Variants in RBFOX1 observed in about 807,000 individuals in gnomAD.
RBFOX1 encodes RNA binding fox-1 homolog 1, also known as RNA binding protein fox-1 homolog 1.
RBFOX1 carries 8 observed loss-of-function variants against 57.7 expected under a neutral mutation model. The observed-to-expected ratio is 0.14, with a 90% CI of 0.08 to 0.25. The LOEUF is 0.25. RBFOX1 is among the 10% of genes least tolerant of loss of function. RBFOX1 has a pLI of 1.00. For missense variants in RBFOX1, 611 were observed against 548.5 expected (o/e 1.11, Z -1.14); for synonymous variants, 326 against 222.4 (o/e 1.47, Z -4.15).
At chr16:6,574,707 C>T (rs1414392678) in intron 2 of RBFOX1, among the ~76,000 whole-genome samples, 4 of 108 alleles carry the variant, frequency 0.037, no homozygotes, top group East Asian at 0.17. Flanking sequence ...GGATTACAGG[C>T]GTGACTACCG....
At chr16:6,646,800 C>G (rs1015614943) in intron 2 of RBFOX1, among the ~76,000 whole-genome samples, 1 of 152,008 alleles carries the variant, frequency 6.6e-6, no homozygotes, top group African/African-American at 2.4e-5. Context: ...CAGACAAATT[C>G]AAGGAGAGTT....
At chr16:6,758,112 C>T (rs1568484238) in intron 3 of RBFOX1, among the ~76,000 whole-genome samples, 2 of 152,026 alleles carry the variant, frequency 1.3e-5, no homozygotes, top group Non-Finnish European at 2.9e-5. Flanking sequence ...TGGTCCAAGT[C>T]AGTAAATGGG....
At chr16:5,656,811 TG>T (rs1197461963) in intron 3 of RBFOX1, among the ~76,000 whole-genome samples, 1 of 152,164 alleles carries the variant, frequency 6.6e-6, no homozygotes, top group Non-Finnish European at 1.5e-5. Context: ...GATGGGCGTT[TG>T]GGTTGGAATA....
intron 4 of RBFOX1, among the ~76,000 whole-genome samples, chr16:5,961,084 A>G (rs1343995397): frequency 1.3e-5 from 2 of 152,216 alleles, no homozygotes; most frequent in African/African-American, 2.4e-5. Flanking sequence ...TGTGTTTTCC[A>G]GGAAGCTTTT....
chr16:6,105,542 G>A (rs373853797), intron 1 of RBFOX1, among the ~76,000 whole-genome samples: 14 of 152,166 alleles, frequency 9.2e-5, no homozygotes, highest in African/African-American at 2.9e-4. Flanking sequence ...AAATTAACCT[G>A]TTTTAGAAAT....
At chr16:7,551,260 C>G (rs1259401791) in intron 5 of RBFOX1, among the ~76,000 whole-genome samples, 3 of 152,052 alleles carry the variant, frequency 2.0e-5, no homozygotes, top group Non-Finnish European at 1.5e-5. Context: ...ACTTGTCCCC[C>G]AGAAACAACT....
At chr16:6,082,614 T>C (rs988613732) in intron 1 of RBFOX1, among the ~76,000 whole-genome samples, 2 of 152,030 alleles carry the variant, frequency 1.3e-5, no homozygotes, top group African/African-American at 4.8e-5. Context: ...CAGGTTTGTA[T>C]CACATGCCTG....
chr16:6,453,662 A>C (rs1209816082), intron 2 of RBFOX1, among the ~76,000 whole-genome samples: 3 of 151,266 alleles, frequency 2.0e-5, no homozygotes, highest in Admixed American at 6.6e-5. Flanking sequence ...AAAAAGAGGG[A>C]CTCCTCCGTA....
intron 4 of RBFOX1, among the ~76,000 whole-genome samples, chr16:7,372,567 A>G (rs1194622046): frequency 6.6e-6 from 1 of 152,188 alleles, no homozygotes; most frequent in Admixed American, 6.5e-5. Context: ...CTGGAGAAGG[A>G]TTGCATCTGA....
At chr16:5,441,849 A>G (rs1420618685) in intron 1 of RBFOX1, among the ~76,000 whole-genome samples, 2 of 152,172 alleles carry the variant, frequency 1.3e-5, no homozygotes, top group Non-Finnish European at 2.9e-5. Flanking sequence ...CTCACTCACT[A>G]TCACGAAAAA....
At chr16:7,589,535 A>T (rs2094324085) in intron 7 of RBFOX1, among the ~76,000 whole-genome samples, 1 of 151,690 alleles carries the variant, frequency 6.6e-6, no homozygotes, top group Non-Finnish European at 1.5e-5. Flanking sequence ...GAAACATCCA[A>T]AATAGCCTCT....
At chr16:7,069,933 C>T (rs948011266) in intron 4 of RBFOX1, among the ~76,000 whole-genome samples, 1 of 152,224 alleles carries the variant, frequency 6.6e-6, no homozygotes, top group Non-Finnish European at 1.5e-5. Flanking sequence ...TAAAATAGTA[C>T]ATTCGCCATA....
At chr16:6,228,416 A>C (rs2097433138) in intron 1 of RBFOX1, among the ~76,000 whole-genome samples, 2 of 40,486 alleles carry the variant, frequency 4.9e-5, no homozygotes, top group African/African-American at 1.4e-4. Context: ...GAAAATTTTT[A>C]ACACACACAC....
chr16:6,242,541 T>C (rs1488351015), intron 1 of RBFOX1, among the ~76,000 whole-genome samples: 1 of 151,542 alleles, frequency 6.6e-6, no homozygotes. Context: ...GTTGGAATAA[T>C]ATTTTACTGT....
At chr16:6,654,429 C>A (rs1283201768) in intron 2 of RBFOX1, among the ~76,000 whole-genome samples, 174 bp from the exon 3 acceptor site, 2 of 152,106 alleles carry the variant, frequency 1.3e-5, no homozygotes, top group African/African-American at 4.8e-5. Flanking sequence ...GCAAACACCG[C>A]AGTATGTACC....
intron 1 of RBFOX1, among the ~76,000 whole-genome samples, chr16:6,229,174 A>G (rs1361216182): frequency 6.6e-6 from 1 of 152,186 alleles, no homozygotes; most frequent in African/African-American, 2.4e-5. Context: ...CGAGACTATA[A>G]TGTCATTCTG....
At chr16:5,439,150 G>T (rs1450125976) in intron 1 of RBFOX1, among the ~76,000 whole-genome samples, 1 of 152,026 alleles carries the variant, frequency 6.6e-6, no homozygotes, top group Non-Finnish European at 1.5e-5. Flanking sequence ...AAGCAAGCAG[G>T]GTGGGATAAG....
chr16:5,758,320 T>C lies in RBFOX1; in HGVS notation c.319-108983T>C, dbSNP rs145550940. ...TGTTGCCATAGTTACCTCTCGGCTC[T>C]ATTATAACAGTAGTGCCATAATTGG... On this transcript the variant is annotated intron_variant, in intron 3 of 19. Coordinates refer to the RBFOX1 transcript ENST00000641259. Among the ~76,000 whole-genome samples, 2 of 152,354 alleles carry C rather than the reference T, an allele frequency of 1.3e-5. 1 individual carries two copies. The highest frequency in any genetic ancestry group is 4.8e-5 in the African/African-American group (2 of 41,590).
chr16:7,378,174 C>T (rs767433096), intron 4 of RBFOX1, among the ~76,000 whole-genome samples: 8 of 152,162 alleles, frequency 5.3e-5, no homozygotes, highest in Admixed American at 2.0e-4. Flanking sequence ...TGAGCTTTAT[C>T]GTTGCTGAGC....
Sources: allele counts gnomAD v4.1 joint callset (sites outside exome capture counted in the v4.1 genomes callset), GRCh38; gene constraint gnomAD v4.1.1; transcripts MANE v1.5; gene names NCBI Gene and HGNC (gene_info 2026-07-23, HGNC 2026-07-21).